RPTOR: variants seen among roughly 807,000 people sequenced by gnomAD.
RPTOR encodes the protein regulatory-associated protein of mTOR.
In RPTOR, 21 loss-of-function variants were observed where a neutral mutation model predicts 169.9. The ratio of observed to expected loss-of-function variants is 0.12; its 90% CI spans 0.09 to 0.18. The LOEUF (loss-of-function observed/expected upper bound fraction) is 0.18. Ranked by LOEUF, RPTOR falls within the 10% of genes least tolerant of loss-of-function variation. The pLI, the probability that RPTOR is intolerant of heterozygous loss-of-function variation, is 1.00. For synonymous variants in RPTOR, 732 were observed against 753.2 expected (o/e 0.97, Z 0.46); for missense variants, 1,133 against 1,855.9 (o/e 0.61, Z 7.16).
At chr17:80,576,287 A>C (rs2064962801) in intron 1 of RPTOR, among the ~76,000 whole-genome samples, 1 of 152,104 alleles carries the variant, frequency 6.6e-6, no homozygotes, top group Non-Finnish European at 1.5e-5. Context: ...GATTGAAAAT[A>C]TTTAATTTCT....
chr17:80,557,951 A>G (rs2084432024), intron 1 of RPTOR, among the ~76,000 whole-genome samples: 1 of 152,046 alleles, frequency 6.6e-6, no homozygotes, highest in African/African-American at 2.4e-5. Context: ...ATAAATACAT[A>G]AATATATGGA....
intron 20 of RPTOR, among the ~76,000 whole-genome samples, chr17:80,897,751 G>A (rs1437986334): frequency 6.6e-6 from 1 of 152,160 alleles, no homozygotes; most frequent in Non-Finnish European, 1.5e-5. Context: ...GGCTCCTCCG[G>A]GCATGGTGAC....
At chr17:80,883,016 C>T (rs897994113) in intron 14 of RPTOR, among the ~76,000 whole-genome samples, 9 of 152,240 alleles carry the variant, frequency 5.9e-5, no homozygotes, top group Non-Finnish European at 7.3e-5. Context: ...AAACCTAGAG[C>T]GCTGCCTCCA....
rs553239604 is a variant in RPTOR at position 80,914,244 on chromosome 17, C to G, written c.2520+5315C>G. Among the ~76,000 whole-genome samples the G allele has an allele frequency of 2.6e-5, 4 of 152,366 alleles. No individual in the cohort carries two copies. In the East Asian group the frequency reaches 7.7e-4, roughly 29 times the overall value. On this transcript the variant is annotated intron_variant, in intron 21 of 33. Coordinates refer to ENST00000306801, the MANE Select transcript of RPTOR (RefSeq NM_020761.3). ...GGCAGGGACCGGTGGAATCCCACCC[C>G]CTTCCAAACTGGCAGGGTGGGAGCC...
chr17:80,920,681 C>A (rs993801335), intron 21 of RPTOR, among the ~76,000 whole-genome samples: 7 of 152,254 alleles, frequency 4.6e-5, no homozygotes, highest in African/African-American at 1.7e-4. Flanking sequence ...AGTCACCGGC[C>A]CCAGCCCAGC....
Position 80,923,690 on chromosome 17 carries a change from G to A in RPTOR, c.2808+17G>A, listed in dbSNP as rs371176269. The A allele has an allele frequency of 6.4e-7, 1 of 1,565,172 alleles. No individual in the cohort carries two copies. Among genetic ancestry groups the A allele is most frequent in the Non-Finnish European group, 8.7e-7 (1 of 1,152,276 alleles). On this transcript the variant is annotated intron_variant, in intron 23 of 33. Coordinates refer to ENST00000306801, the MANE Select transcript of RPTOR (RefSeq NM_020761.3). The stretch of plus-strand genomic sequence containing the variant: ...CCAGAGCAGGTACGGGAGCCCGGCT[G>A]CCTGGTGATCTGGACACTGAGAGCG...
At chr17:80,922,453 A>G (rs898464057) in intron 21 of RPTOR, among the ~76,000 whole-genome samples, 1 of 152,206 alleles carries the variant, frequency 6.6e-6, no homozygotes, top group Admixed American at 6.5e-5. Flanking sequence ...CAGGAGCCTC[A>G]GGCAGAGCTT....
At chr17:80,561,387 G>A (rs748743276) in intron 1 of RPTOR, among the ~76,000 whole-genome samples, 20 of 150,636 alleles carry the variant, frequency 1.3e-4, no homozygotes, top group Non-Finnish European at 2.2e-4. Context: ...GGGATTATAG[G>A]CATGAGCCAC....
At chr17:80,613,449 G>A (rs1221438950) in intron 1 of RPTOR, among the ~76,000 whole-genome samples, 3 of 152,232 alleles carry the variant, frequency 2.0e-5, no homozygotes, top group African/African-American at 7.2e-5. Context: ...GACGTTCAAA[G>A]TGAACATTCA....
chr17:80,645,719 A>G (rs547840954), intron 3 of RPTOR, among the ~76,000 whole-genome samples: 8 of 152,308 alleles, frequency 5.3e-5, no homozygotes, highest in African/African-American at 1.9e-4. Context: ...AGATCTCTCC[A>G]TGGCATTGAG....
chr17:80,923,793 C>A, intron 23 of RPTOR, 120 bp downstream of exon 23: 1 of 1,115,338 alleles, frequency 9.0e-7, no homozygotes, highest in Non-Finnish European at 1.3e-6. Flanking sequence ...ACCCACCCTG[C>A]CGTCCTGGGT....
chr17:80,713,177 T>G (rs1304372532), intron 4 of RPTOR, among the ~76,000 whole-genome samples: 1 of 152,166 alleles, frequency 6.6e-6, no homozygotes, highest in Non-Finnish European at 1.5e-5. Context: ...CAAGTGATTC[T>G]CCTGCCTCAA....
At chr17:80,560,942 ATC>A (rs2084478946) in intron 1 of RPTOR, among the ~76,000 whole-genome samples, 2 of 151,968 alleles carry the variant, frequency 1.3e-5, no homozygotes, top group Non-Finnish European at 2.9e-5. Flanking sequence ...GAACTGAGAG[ATC>A]TGTGAGCCGG....
chr17:80,930,211 G>GCTCATCCCCAC (rs1488277248), intron 24 of RPTOR, among the ~76,000 whole-genome samples: 4 of 16,790 alleles, frequency 2.4e-4, no homozygotes, highest in Admixed American at 6.1e-4. Flanking sequence ...CTCATCCCCA[G>GCTCATCCCCAC]CTCATCCTCA....
chr17:80,852,367 C>T (rs1298879323), intron 11 of RPTOR, among the ~76,000 whole-genome samples: 1 of 152,094 alleles, frequency 6.6e-6, no homozygotes, highest in Non-Finnish European at 1.5e-5. Context: ...TCCGACTGGC[C>T]CCTCAAACCT....
rs1181679864 is a variant in RPTOR, at chr17:80,883,500, AC to A, written c.1650+21del. On this transcript the variant is annotated intron_variant, in intron 15 of 33. Coordinates refer to ENST00000306801, the MANE Select transcript of RPTOR (RefSeq NM_020761.3). The stretch of plus-strand genomic sequence containing the variant: ...CACGGGGCAGGTGAGCCCCCCAGCC[AC>A]CCCCAGCCCCAGAGCTCACCCTTGG... 1 of 1,612,228 alleles carries A rather than the reference AC, an allele frequency of 6.2e-7. No homozygotes were observed. The highest frequency in any genetic ancestry group is 8.5e-7 in the Non-Finnish European group (1 of 1,178,870).
chr17:80,819,453 C>T (rs1463385466), intron 7 of RPTOR, among the ~76,000 whole-genome samples: 1 of 152,200 alleles, frequency 6.6e-6, no homozygotes, highest in Non-Finnish European at 1.5e-5. Context: ...GTAGCTGCTG[C>T]GTCGTGGTTG....
intron 6 of RPTOR, among the ~76,000 whole-genome samples, chr17:80,764,801 C>T (rs1231420727): frequency 6.6e-6 from 1 of 152,200 alleles, no homozygotes; most frequent in Non-Finnish European, 1.5e-5. Context: ...GTTCCTGTTT[C>T]TCCACATCCT....
chr17:80,842,606 G>T (rs1217696686), intron 10 of RPTOR, among the ~76,000 whole-genome samples: 4 of 152,216 alleles, frequency 2.6e-5, no homozygotes, highest in Admixed American at 2.6e-4. Context: ...GTATGAAAAG[G>T]TATTTCCTTA....
Sources: gnomAD v4.1 joint callset for allele counts (sites outside exome capture counted in the v4.1 genomes callset) on GRCh38, gnomAD v4.1.1 for gene constraint, MANE v1.5 for transcripts, NCBI Gene and HGNC (gene_info 2026-07-23, HGNC 2026-07-21) for gene names.